Variants in STXBP5 observed in about 807,000 individuals in gnomAD.
STXBP5 encodes syntaxin binding protein 5, also known as syntaxin-binding protein 5.
In STXBP5, 50 loss-of-function variants were observed where a neutral mutation model predicts 152.4. The observed-to-expected ratio is 0.33, with a 90% confidence interval of 0.26 to 0.42. STXBP5 has a LOEUF of 0.42. Among genes scored for constraint, STXBP5 ranks in the 10% least tolerant of loss-of-function variants. The pLI is 1.00. For synonymous variants in STXBP5, 492 were observed against 494.7 expected, an observed-to-expected ratio of 0.99 and a Z score of 0.07; for missense variants, 1,167 against 1,388.6, an observed-to-expected ratio of 0.84 and a Z score of 2.54.
intron 25 of STXBP5, among the ~76,000 whole-genome samples, chr6:147,369,182 G>A (rs1457943357): frequency 6.6e-6 from 1 of 152,058 alleles, no homozygotes; most frequent in East Asian, 1.9e-4. Flanking sequence ...ATGGACAACT[G>A]ATTTTTTTAA....
At chr6:147,243,456 A>G (rs1330791240) in intron 4 of STXBP5, among the ~76,000 whole-genome samples, 1 of 152,126 alleles carries the variant, frequency 6.6e-6, no homozygotes, top group Non-Finnish European at 1.5e-5. Flanking sequence ...AAATTTTAAT[A>G]ATTCTTTGTA....
chr6:147,383,063 A>G, intron 27 of STXBP5, 65 bp downstream of exon 27: 1 of 1,536,674 alleles, frequency 6.5e-7, no homozygotes, highest in Non-Finnish European at 8.9e-7. Context: ...ATGTTACTTT[A>G]TTTTTATAGC....
At position 147,230,659 on chromosome 6, in the gene STXBP5, C is replaced by CTG. The variant is rs148015603; in HGVS notation, c.249-4575_249-4574dup. ...GTGAAAATTGGCTCAATATATTTTGCTGTGTGTGTGTGTGTGTATGTGTGT... is the reference window on the plus strand; with the variant it reads ...GTGAAAATTGGCTCAATATATTTTGCTGTGTGTGTGTGTGTGTGTATGTGTGT... On this transcript the variant is annotated intron_variant, in intron 2 of 27. Coordinates refer to ENST00000321680, the MANE Select transcript of STXBP5 (RefSeq NM_001127715.4). Among the ~76,000 whole-genome samples, 168 of 149,094 alleles carry CTG rather than the reference C, an allele frequency of 1.1e-3. 1 individual carries two copies. Among genetic ancestry groups the CTG allele is most frequent in the Middle Eastern group, 6.8e-3 (2 of 294 alleles).
At chr6:147,350,239 G>GA (rs537435455) in intron 21 of STXBP5, among the ~76,000 whole-genome samples, 182 of 152,000 alleles carry the variant, frequency 1.2e-3, no homozygotes, top group Non-Finnish European at 1.8e-3. Context: ...AATAGTACTA[G>GA]AAAAAAACTT....
chr6:147,216,576 T>A (rs1180422215), intron 2 of STXBP5, among the ~76,000 whole-genome samples: 4 of 152,198 alleles, frequency 2.6e-5, no homozygotes, highest in Admixed American at 2.6e-4. Context: ...CACTGACCAC[T>A]CTTTGCATTA....
rs574379208 is a variant in STXBP5 at position 147,255,180 on chromosome 6, G to A, written c.432-5435G>A. Among the ~76,000 whole-genome samples the A allele has an allele frequency of 7.2e-5, 11 of 152,290 alleles. No homozygotes were observed. The East Asian group carries it at 2.1e-3, about 29-fold the overall frequency. On this transcript the variant is annotated intron_variant, in intron 4 of 27. Coordinates refer to ENST00000321680, the MANE Select transcript of STXBP5 (RefSeq NM_001127715.4). ...TGTCCTTTGCAGGGACATGGATGAA[G>A]CTGGAAACCATCATTCTCAGCAAAC...
At position 147,389,561 on chromosome 6, in the gene STXBP5, T is replaced by C. The variant is rs1029809362; in HGVS notation, c.*4806T>C. 1 of 151,874 alleles carries C rather than the reference T, an allele frequency of 6.6e-6. No individual in the cohort carries two copies. The highest frequency in any genetic ancestry group is 6.6e-5 in the Admixed American group (1 of 15,222). 9.4% of individuals were successfully genotyped at this position (151,874 alleles called of 1,614,324 possible). ...CAGTATTTTACAATGAGGCTTATCG[T>C]TTAAAATTTTATAGTGTATGACATG... On this transcript the variant is annotated 3_prime_UTR_variant, in exon 28 of 28. Coordinates refer to ENST00000321680, the MANE Select transcript of STXBP5 (RefSeq NM_001127715.4).
chr6:147,232,259 T>A (rs2115158250), intron 2 of STXBP5, among the ~76,000 whole-genome samples: 1 of 151,850 alleles, frequency 6.6e-6, no homozygotes, highest in South Asian at 2.1e-4. Context: ...AGTAAATAAG[T>A]AATAAATAAA....
Position 147,388,966 on chromosome 6 carries a change from G to T in STXBP5, c.*4211G>T, listed in dbSNP as rs1786465831. The T allele has an allele frequency of 6.6e-6, 1 of 151,486 alleles. No homozygotes were observed. The highest frequency in any genetic ancestry group is 2.4e-5 in the African/African-American group (1 of 41,344). 9.4% of individuals were successfully genotyped at this position (151,486 alleles called of 1,614,324 possible). On this transcript the variant is annotated 3_prime_UTR_variant, in exon 28 of 28. Transcript: ENST00000321680. ...TTTGTTCCTTATCAGTTTGATACTT[G>T]ATCAACATTCTTAGACTTTTTAATC...
Position 147,243,104 on chromosome 6 carries a change from C to T in STXBP5, c.431+3834C>T, listed in dbSNP as rs1458936968. 2.0e-5 allele frequency among the ~76,000 whole-genome samples: 3 copies of T among 152,092 alleles called. No homozygotes were observed. The East Asian group carries it at 5.8e-4, about 29-fold the overall frequency. ...TGTACATTTTCAACACAGTTGGATA[C>T]CTGGGAGTGCTATTGCTGGATCATA... On this transcript the variant is annotated intron_variant, in intron 4 of 27. Coordinates refer to ENST00000321680, the MANE Select transcript of STXBP5 (RefSeq NM_001127715.4).
intron 4 of STXBP5, among the ~76,000 whole-genome samples, chr6:147,252,738 ACTC>A (rs1471354069): frequency 1.3e-5 from 2 of 152,094 alleles, no homozygotes; most frequent in African/African-American, 4.8e-5. Context: ...CCACGAAGAT[ACTC>A]CTCGAGAAGT....
At chr6:147,347,106 A>C (rs991667802) in intron 21 of STXBP5, among the ~76,000 whole-genome samples, 1 of 152,212 alleles carries the variant, frequency 6.6e-6, no homozygotes, top group African/African-American at 2.4e-5. Flanking sequence ...CTGGACATTC[A>C]AACTAGGTCC....
intron 26 of STXBP5, among the ~76,000 whole-genome samples, chr6:147,376,086 T>C (rs900405166): frequency 6.6e-6 from 1 of 152,198 alleles, no homozygotes; most frequent in Admixed American, 6.5e-5. Context: ...CTGATGTGCA[T>C]AAATATAATT....
rs150110223 is a variant in STXBP5 at position 147,263,230 on chromosome 6, G to A, written c.630+877G>A. ...ATTATAGCATTGTTTTAAAAGCCAA[G>A]CCTTTCAATGGGAGGCATGGTAGGA... On this transcript the variant is annotated intron_variant, in intron 6 of 27. Coordinates refer to ENST00000321680, the MANE Select transcript of STXBP5 (RefSeq NM_001127715.4). 3.6e-3 allele frequency among the ~76,000 whole-genome samples: 545 copies of A among 151,898 alleles called. 3 individuals carry two copies. Among genetic ancestry groups the A allele is most frequent in the African/African-American group, 0.012 (511 of 41,470 alleles).
At chr6:147,344,926 G>A (rs1379071441) in intron 21 of STXBP5, among the ~76,000 whole-genome samples, 1 of 152,038 alleles carries the variant, frequency 6.6e-6, no homozygotes, top group African/African-American at 2.4e-5. Context: ...AGATGGGTCA[G>A]GAAAAAAATT....
chr6:147,316,226 C>T lies in STXBP5; in HGVS notation c.1624-3C>T, dbSNP rs1562482371. On this transcript the variant is annotated splice_polypyrimidine_tract_variant and splice_region_variant and intron_variant, in intron 15 of 27. Coordinates refer to ENST00000321680, the MANE Select transcript of STXBP5 (RefSeq NM_001127715.4). ...TAAGTAAACTACCTTACTTTTACAA[C>T]AGATGCTTGAAGTTCGATTATTATA... 4 of 1,613,308 alleles carry T rather than the reference C, an allele frequency of 2.5e-6. No homozygotes were observed. The highest frequency in any genetic ancestry group is 3.4e-6 in the Non-Finnish European group (4 of 1,179,704).
In STXBP5 at chr6:147,306,738, T is replaced by C. The variant is rs138866915; in HGVS notation, c.918-3346T>C. Reference sequence around the variant, plus strand: ...TCCTGCTGACTAGAGTGGACCTCCTTCTTCCACAAACCCAGTTCTTTGAAT... The same window carrying C: ...TCCTGCTGACTAGAGTGGACCTCCTCCTTCCACAAACCCAGTTCTTTGAAT... On this transcript the variant is annotated intron_variant, in intron 9 of 27. Transcript: ENST00000321680. 8.5e-5 allele frequency among the ~76,000 whole-genome samples: 13 copies of C among 152,290 alleles called. No individual in the cohort carries two copies. In the East Asian group the frequency reaches 1.7e-3, roughly 20 times the overall value.
chr6:147,205,897 C>A, intron 1 of STXBP5, 74 bp from the exon 2 acceptor site: 1 of 1,106,870 alleles, frequency 9.0e-7, no homozygotes, highest in Non-Finnish European at 1.4e-6. Flanking sequence ...TAAATTCTAA[C>A]GCCTCTATTG....
intron 2 of STXBP5, among the ~76,000 whole-genome samples, chr6:147,212,834 A>G (rs543263149): frequency 1.3e-5 from 2 of 152,342 alleles, no homozygotes; most frequent in African/African-American, 4.8e-5. Flanking sequence ...AGTAGCTCAC[A>G]TTGAATACTA....
Sources: gnomAD v4.1 joint callset for allele counts (sites outside exome capture counted in the v4.1 genomes callset) on GRCh38, gnomAD v4.1.1 for gene constraint, MANE v1.5 for transcripts, NCBI Gene and HGNC (gene_info 2026-07-23, HGNC 2026-07-21) for gene names.